The following CSMD3 variants were observed in gnomAD, a reference collection of about 807,000 sequenced individuals.
The protein encoded by CSMD3 is CUB and sushi domain-containing protein 3.
In CSMD3, 177 loss-of-function variants were observed where a neutral mutation model predicts 435.2. The observed-to-expected ratio is 0.41, with a 90% CI of 0.36 to 0.46. The LOEUF is 0.46. CSMD3 is among the 20% of genes least tolerant of loss of function. CSMD3 has a pLI of 0.34. For missense variants in CSMD3, 4,265 were observed against 4,504.6 expected, an observed-to-expected ratio of 0.95 and a Z score of 1.52; for synonymous variants, 1,656 against 1,520.5, an observed-to-expected ratio of 1.09 and a Z score of -2.07.
intron 1 of CSMD3, among the ~76,000 whole-genome samples, chr8:113,341,660 A>G (rs566617022): frequency 6.6e-6 from 1 of 152,272 alleles, no homozygotes; most frequent in South Asian, 2.1e-4. Context: ...AAAAATGTTC[A>G]AATTTGATTC....
At chr8:112,900,320 G>A (rs774966165) in intron 10 of CSMD3, among the ~76,000 whole-genome samples, 1 of 151,298 alleles carries the variant, frequency 6.6e-6, no homozygotes, top group Non-Finnish European at 1.5e-5. Flanking sequence ...AACATCCTTA[G>A]TAGAGAAAAT....
At chr8:112,353,487 C>A (rs1826320625) in intron 38 of CSMD3, among the ~76,000 whole-genome samples, 1 of 152,078 alleles carries the variant, frequency 6.6e-6, no homozygotes, top group African/African-American at 2.4e-5. Context: ...AAGGAGATAA[C>A]AATGTAATTC....
chr8:112,688,454 C>T (rs557257597), intron 14 of CSMD3, among the ~76,000 whole-genome samples: 6 of 152,188 alleles, frequency 3.9e-5, no homozygotes, highest in Admixed American at 3.3e-4. Flanking sequence ...TATGTCAATA[C>T]AATACGTCAA....
intron 24 of CSMD3, among the ~76,000 whole-genome samples, chr8:112,568,897 C>T (rs1829279275): frequency 6.6e-6 from 1 of 152,120 alleles, no homozygotes; most frequent in African/African-American, 2.4e-5. Flanking sequence ...AAGTTGTCTT[C>T]TCAATATCTC....
chr8:112,456,623 A>G (rs1050283764), intron 32 of CSMD3, among the ~76,000 whole-genome samples: 1 of 152,136 alleles, frequency 6.6e-6, no homozygotes, highest in African/African-American at 2.4e-5. Flanking sequence ...TATAACTATT[A>G]CATTTCTTGT....
intron 2 of CSMD3, among the ~76,000 whole-genome samples, chr8:113,303,649 C>T (rs1167948845): frequency 7.3e-6 from 1 of 137,050 alleles, no homozygotes; most frequent in Non-Finnish European, 1.6e-5. Context: ...CTGAGAAAAA[C>T]AAGCAATGGG....
At chr8:112,389,476 T>C (rs1830232573) in intron 36 of CSMD3, among the ~76,000 whole-genome samples, 1 of 152,222 alleles carries the variant, frequency 6.6e-6, no homozygotes, top group South Asian at 2.1e-4. Flanking sequence ...AGAATGTAAG[T>C]ATGCATCTAT....
chr8:112,390,943 T>C (rs1310662661), intron 35 of CSMD3, among the ~76,000 whole-genome samples, 155 bp from the exon 36 acceptor site: 3 of 152,224 alleles, frequency 2.0e-5, no homozygotes, highest in African/African-American at 4.8e-5. Context: ...ATGAAGTTTT[T>C]GTATACCATG....
intron 64 of CSMD3, among the ~76,000 whole-genome samples, chr8:112,245,003 A>G (rs1814581154): frequency 6.6e-6 from 1 of 151,814 alleles, no homozygotes. Context: ...ATTATTTTAT[A>G]AATTTTAAAT....
intron 3 of CSMD3, among the ~76,000 whole-genome samples, chr8:113,232,015 T>C (rs1221959354): frequency 6.6e-6 from 1 of 151,568 alleles, no homozygotes; most frequent in Non-Finnish European, 1.5e-5. Context: ...TCATAAATTA[T>C]ATACAATGCA....
intron 6 of CSMD3, among the ~76,000 whole-genome samples, chr8:113,010,085 A>T (rs2131120608): frequency 6.6e-6 from 1 of 151,858 alleles, no homozygotes; most frequent in South Asian, 2.1e-4. Flanking sequence ...TTAAATTAAC[A>T]AAATGATAAA....
chr8:112,735,109 G>A (rs1441164077), intron 13 of CSMD3, among the ~76,000 whole-genome samples: 4 of 152,008 alleles, frequency 2.6e-5, no homozygotes, highest in South Asian at 2.1e-4. Flanking sequence ...GGACAAAAGT[G>A]TCCAACTCTG....
chr8:113,379,164 G>A (rs2094403788), intron 1 of CSMD3, among the ~76,000 whole-genome samples: 1 of 151,980 alleles, frequency 6.6e-6, no homozygotes, highest in African/African-American at 2.4e-5. Flanking sequence ...GTAGTCAAAA[G>A]GAGAAGTAAA....
At chr8:113,237,230 T>C (rs1018509217) in intron 3 of CSMD3, among the ~76,000 whole-genome samples, 4 of 152,112 alleles carry the variant, frequency 2.6e-5, no homozygotes, top group Admixed American at 2.0e-4. Context: ...AAGAACACAA[T>C]ATGGATTTGC....
rs768889402 is a variant in CSMD3 at position 112,306,070 on chromosome 8, T to C, written c.8008A>G (p.Thr2670Ala). 1 of 1,613,810 alleles carries C rather than the reference T, an allele frequency of 6.2e-7. No homozygotes were observed. The highest frequency in any genetic ancestry group is 8.5e-7 in the Non-Finnish European group (1 of 1,179,750). The change falls in exon 51 of 71, where the codon ACT becomes GCT. Residue 2670 changes from threonine to alanine, a missense_variant. This residue lies in a region of CSMD3 where 3,255 missense variants were observed against 3,380.2 expected (regional missense o/e 0.96). Coordinates refer to ENST00000297405, the MANE Select transcript of CSMD3 (RefSeq NM_198123.2). ...CCATCTGATTGGCATACAGCTGTAG[T>C]GAGTTCTTTGGATGACAATCGATAT... is the stretch of plus-strand genomic sequence containing the variant. ...DGYRLSSKEL[T>A]TAVCQSDGTW...
chr8:112,434,891 T>C (rs1297512863), intron 32 of CSMD3, among the ~76,000 whole-genome samples: 1 of 152,120 alleles, frequency 6.6e-6, no homozygotes, highest in Non-Finnish European at 1.5e-5. Context: ...AGTTGCCTCA[T>C]ACTTGAAAAT....
intron 38 of CSMD3, among the ~76,000 whole-genome samples, chr8:112,376,105 A>G (rs909458243): frequency 1.3e-5 from 2 of 152,300 alleles, no homozygotes; most frequent in East Asian, 3.9e-4. Context: ...TCCTGTTTGA[A>G]GTATTCCCTG....
rs1012468217 is a variant in CSMD3, at chr8:112,701,720, A to T, written c.1973-11670T>A. 3.3e-5 allele frequency among the ~76,000 whole-genome samples: 5 copies of T among 152,082 alleles called. 1 individual carries two copies. Among genetic ancestry groups the T allele is most frequent in the Admixed American group, 1.3e-4 (2 of 15,252 alleles). ...TCCTTACCATAGAGGGCCCTTCATG[A>T]TCTCAGCCTTTCCTACCTCTCCAGT... On this transcript the variant is annotated intron_variant, in intron 13 of 70. Coordinates refer to ENST00000297405, the MANE Select transcript of CSMD3 (RefSeq NM_198123.2).
At chr8:113,246,719 C>G (rs1411184869) in intron 3 of CSMD3, among the ~76,000 whole-genome samples, 1 of 152,090 alleles carries the variant, frequency 6.6e-6, no homozygotes, top group Non-Finnish European at 1.5e-5. Context: ...TCCCTTCCCC[C>G]AAGGGCTTCT....
Sources: allele counts gnomAD v4.1 joint callset (sites outside exome capture counted in the v4.1 genomes callset), GRCh38; gene constraint gnomAD v4.1.1; regional missense constraint gnomAD v4.1.1; transcripts MANE v1.5; gene names NCBI Gene and HGNC (gene_info 2026-07-23, HGNC 2026-07-21).